Variants in PRIM2 observed in about 807,000 individuals in gnomAD.
The protein encoded by PRIM2 is DNA primase large subunit.
In PRIM2, 39 loss-of-function variants were observed where a neutral mutation model predicts 67.3. The observed-to-expected ratio is 0.58, with a 90% CI of 0.45 to 0.76. The LOEUF (loss-of-function observed/expected upper bound fraction) is 0.76. Among genes scored for constraint, PRIM2 ranks in the 30% least tolerant of loss-of-function variants. PRIM2 has a pLI of 0.00. For missense variants in PRIM2, 398 were observed against 598.7 expected (o/e 0.66, Z 3.50); for synonymous variants, 143 against 198.7 (o/e 0.72, Z 2.36).
chr6:57,337,897 C>T (rs898196469), intron 5 of PRIM2, among the ~76,000 whole-genome samples: 5 of 151,940 alleles, frequency 3.3e-5, no homozygotes, highest in African/African-American at 1.2e-4. Flanking sequence ...AAAATCCCTT[C>T]AAAAAATTAA....
chr6:57,482,229 A>G (rs1773646532), intron 7 of PRIM2, among the ~76,000 whole-genome samples: 1 of 151,506 alleles, frequency 6.6e-6, no homozygotes, highest in African/African-American at 2.4e-5. Context: ...TTGAGTGCAG[A>G]TAGGTTGTTT....
At chr6:57,275,859 G>A in the PRIM2 span, among the ~76,000 whole-genome samples, 4 of 152,132 alleles carry the variant, frequency 2.6e-5, no homozygotes, top group East Asian at 1.9e-4. Context: ...TAACAGAAAC[G>A]TCCATAGCAG....
chr6:57,463,279 G>A (rs1773068362), intron 7 of PRIM2, among the ~76,000 whole-genome samples: 2 of 152,164 alleles, frequency 1.3e-5, no homozygotes, highest in South Asian at 4.1e-4. Context: ...ATCGCTTGAG[G>A]CGAGGAGTTT....
intron 5 of PRIM2, among the ~76,000 whole-genome samples, chr6:57,379,392 A>T (rs1769878141): frequency 6.7e-6 from 1 of 149,602 alleles, no homozygotes; most frequent in Non-Finnish European, 1.5e-5. Flanking sequence ...AGATCTATCA[A>T]TTTTTTATAA....
chr6:57,423,751 C>T (rs1452722223), intron 7 of PRIM2, among the ~76,000 whole-genome samples: 2 of 152,166 alleles, frequency 1.3e-5, no homozygotes, highest in Non-Finnish European at 2.9e-5. Context: ...TAAAGGATCC[C>T]GTGCTGCCTG....
intron 7 of PRIM2, among the ~76,000 whole-genome samples, chr6:57,421,634 T>C (rs1377123776): frequency 6.6e-6 from 1 of 152,336 alleles, no homozygotes; most frequent in Middle Eastern, 3.4e-3. Flanking sequence ...GCTTTACATT[T>C]TTGCCAGACT....
At chr6:57,472,291 G>T (rs1409812133) in intron 7 of PRIM2, among the ~76,000 whole-genome samples, 1 of 151,956 alleles carries the variant, frequency 6.6e-6, no homozygotes, top group Non-Finnish European at 1.5e-5. Context: ...TTACCTGGGC[G>T]TGGTGGTGGG....
chr6:57,240,462 A>T, the PRIM2 span, among the ~76,000 whole-genome samples: 1 of 152,144 alleles, frequency 6.6e-6, no homozygotes, highest in African/African-American at 2.4e-5. Flanking sequence ...AGCAGCTTGC[A>T]TTCAGGGAGG....
intron 10 of PRIM2, among the ~76,000 whole-genome samples, chr6:57,565,568 C>T (rs1775720811): frequency 6.6e-6 from 1 of 152,020 alleles, no homozygotes; most frequent in Middle Eastern, 3.2e-3. Flanking sequence ...AGAATTCTCC[C>T]TTCACCTTTT....
At chr6:57,612,510 T>G (rs1371591588) in intron 12 of PRIM2, among the ~76,000 whole-genome samples, 175 of 152,284 alleles carry the variant, frequency 1.1e-3, no homozygotes, top group African/African-American at 4.1e-3. Context: ...AGTGTATAAT[T>G]CTATTTGTAT....
chr6:57,342,874 TTTC>T (rs1195412462), intron 5 of PRIM2, among the ~76,000 whole-genome samples: 6 of 152,222 alleles, frequency 3.9e-5, no homozygotes, highest in African/African-American at 1.4e-4. Context: ...AAAAGTAGTT[TTTC>T]TTATCCTGAG....
At chr6:57,569,995 G>A (rs1295121808) in intron 10 of PRIM2, among the ~76,000 whole-genome samples, 2 of 152,086 alleles carry the variant, frequency 1.3e-5, no homozygotes, top group Non-Finnish European at 2.9e-5. Flanking sequence ...GCCCGCCTTG[G>A]CCTCCCAAAG....
intron 7 of PRIM2, among the ~76,000 whole-genome samples, chr6:57,459,442 T>G (rs1772923417): frequency 6.6e-6 from 1 of 152,344 alleles, no homozygotes; most frequent in Admixed American, 6.5e-5. Flanking sequence ...TTTAAGAATT[T>G]CTTCTTGAAG....
intron 8 of PRIM2, among the ~76,000 whole-genome samples, chr6:57,516,935 T>C (rs1224505821): frequency 1.3e-5 from 2 of 152,150 alleles, no homozygotes; most frequent in Non-Finnish European, 2.9e-5. Flanking sequence ...TGTGAGCACG[T>C]AGCATCCTGG....
At chr6:57,365,204 A>C (rs1769318421) in intron 5 of PRIM2, among the ~76,000 whole-genome samples, 1 of 148,588 alleles carries the variant, frequency 6.7e-6, no homozygotes, top group East Asian at 2.0e-4. Flanking sequence ...CCTTGTGCTC[A>C]TCTGGAGAAA....
chr6:57,268,323 A>C, the PRIM2 span, among the ~76,000 whole-genome samples: 8 of 152,016 alleles, frequency 5.3e-5, no homozygotes, highest in African/African-American at 1.9e-4. Flanking sequence ...GGATATAAGA[A>C]TATTAAATGT....
intron 5 of PRIM2, among the ~76,000 whole-genome samples, chr6:57,374,564 T>A (rs1383446686): frequency 6.7e-6 from 1 of 150,248 alleles, no homozygotes; most frequent in African/African-American, 2.5e-5. Context: ...AGTGCTGGGA[T>A]TACAGGCGTG....
intron 8 of PRIM2, among the ~76,000 whole-genome samples, chr6:57,523,093 A>G (rs1251724084): frequency 1.3e-5 from 2 of 152,050 alleles, no homozygotes; most frequent in Non-Finnish European, 2.9e-5. Flanking sequence ...AAGAACAGAG[A>G]AAAAAAATCC....
intron 12 of PRIM2, among the ~76,000 whole-genome samples, chr6:57,619,041 A>G (rs1312728372): frequency 2.0e-5 from 3 of 152,140 alleles, no homozygotes; most frequent in Non-Finnish European, 4.4e-5. Context: ...GCCGCCTCCA[A>G]TGGAACAGGC....
Sources: gnomAD v4.1 joint callset for allele counts (sites outside exome capture counted in the v4.1 genomes callset) on GRCh38, gnomAD v4.1.1 for gene constraint, MANE v1.5 for transcripts, NCBI Gene and HGNC (gene_info 2026-07-23, HGNC 2026-07-21) for gene names.